UNC13C: variants seen among roughly 807,000 people sequenced by gnomAD.
UNC13C encodes unc-13 homolog C.
A neutral mutation model predicts 245.4 loss-of-function variants in UNC13C; 174 were observed. The ratio of observed to expected loss-of-function variants is 0.71; its 90% CI spans 0.63 to 0.80. UNC13C has a LOEUF of 0.80. Among genes scored for constraint, UNC13C ranks in the 30% least tolerant of loss-of-function variants. The pLI is 0.00. For synonymous variants in UNC13C, 992 were observed against 895.1 expected (o/e 1.11, Z -1.93); for missense variants, 2,829 against 2,602.9 (o/e 1.09, Z -1.89).
chr15:54,388,594 G>A (rs2039886694), intron 17 of UNC13C, among the ~76,000 whole-genome samples: 1 of 152,158 alleles, frequency 6.6e-6, no homozygotes, highest in Non-Finnish European at 1.5e-5. Flanking sequence ...ATCTTACTCA[G>A]AGCAAGTCAC....
Position 54,318,234 on chromosome 15 carries a change from T to G in UNC13C, c.4269-3705T>G, listed in dbSNP as rs900175732. 2.6e-5 allele frequency among the ~76,000 whole-genome samples: 4 copies of G among 151,990 alleles called. No individual in the cohort carries two copies. In the East Asian group the frequency reaches 7.8e-4, roughly 30 times the overall value. On this transcript the variant is annotated intron_variant, in intron 13 of 32. Transcript: ENST00000260323. ...GTGCTGATTTCGTCTTATTTGTAGA[T>G]ATATCCATTAATGGGAATGATGAAT...
intron 30 of UNC13C, among the ~76,000 whole-genome samples, chr15:54,616,202 C>A (rs1221616078): frequency 1.3e-5 from 2 of 151,910 alleles, no homozygotes; most frequent in African/African-American, 4.8e-5. Flanking sequence ...TAGATATAAG[C>A]TTTTTCAATC....
At chr15:54,060,413 A>G (rs375822446) in intron 2 of UNC13C, among the ~76,000 whole-genome samples, 3 of 151,980 alleles carry the variant, frequency 2.0e-5, no homozygotes, top group South Asian at 4.2e-4. Context: ...CAAAACCACA[A>G]TGAGATACCA....
rs183344614 is a variant in UNC13C, at chr15:54,492,007, A to G, written c.4934-2601A>G. Among the ~76,000 whole-genome samples, 390 of 152,122 alleles carry G rather than the reference A, an allele frequency of 2.6e-3. 10 individuals carry two copies. The highest frequency in any genetic ancestry group is 0.014 in the Admixed American group (216 of 15,278). ...ACTCCATCTCAAAAAAAAAAAAACA[A>G]TTTAGGCACAGCTTCACTTTGAAAT... is the stretch of plus-strand genomic sequence containing the variant. On this transcript the variant is annotated intron_variant, in intron 19 of 32. Coordinates refer to ENST00000260323, the MANE Select transcript of UNC13C (RefSeq NM_001080534.3).
chr15:54,196,160 A>C (rs1346373164), intron 4 of UNC13C, among the ~76,000 whole-genome samples: 1 of 152,164 alleles, frequency 6.6e-6, no homozygotes, highest in South Asian at 2.1e-4. Context: ...TATTTTCTAA[A>C]CAAAATATAA....
At chr15:54,268,742 G>A (rs2036610399) in intron 10 of UNC13C, among the ~76,000 whole-genome samples, 1 of 152,036 alleles carries the variant, frequency 6.6e-6, no homozygotes, top group Non-Finnish European at 1.5e-5. Flanking sequence ...AGGAGGTTTT[G>A]TCTTCTGCCC....
Position 54,494,510 on chromosome 15 carries a change from T to C in UNC13C, c.4934-98T>C, listed in dbSNP as rs185260798. On this transcript the variant is annotated intron_variant, in intron 19 of 32. Transcript: ENST00000260323. ...TACCTTTACATCTAATATACTATTT[T>C]CTTCCTTTTAGAAATTCTATTAATA... 3,429 of 1,209,928 alleles carry C rather than the reference T, an allele frequency of 2.8e-3. 18 individuals are homozygous for C. The highest frequency in any genetic ancestry group is 2.4e-3 in the Non-Finnish European group (2,213 of 911,184). 74.9% of individuals were successfully genotyped at this position (1,209,928 alleles called of 1,614,324 possible). A position where few individuals can be genotyped will look rare whatever the true frequency, so the allele number is the denominator to read the frequency against.
intron 1 of UNC13C, among the ~76,000 whole-genome samples, chr15:53,982,703 G>A (rs948842314): frequency 6.6e-6 from 1 of 152,110 alleles, no homozygotes; most frequent in Non-Finnish European, 1.5e-5. Context: ...AGAAAATACT[G>A]TAATTAATCA....
chr15:54,061,026 G>A (rs1301733709), intron 2 of UNC13C, among the ~76,000 whole-genome samples: 2 of 152,018 alleles, frequency 1.3e-5, no homozygotes, highest in African/African-American at 2.4e-5. Context: ...TAAATGACGA[G>A]TTAATGGGTG....
chr15:54,601,667 T>A (rs1268138165), intron 30 of UNC13C, among the ~76,000 whole-genome samples: 1 of 152,190 alleles, frequency 6.6e-6, no homozygotes, highest in Non-Finnish European at 1.5e-5. Context: ...ATATGCTTTT[T>A]TCCCTTTGGG....
chr15:54,411,924 AAATAC>A (rs770896501), intron 18 of UNC13C, among the ~76,000 whole-genome samples: 2 of 152,174 alleles, frequency 1.3e-5, no homozygotes, highest in Non-Finnish European at 2.9e-5. Flanking sequence ...ATCAGTCTGT[AAATAC>A]AATATATTGA....
the UNC13C span, among the ~76,000 whole-genome samples, chr15:53,850,398 G>A: frequency 6.6e-6 from 1 of 152,078 alleles, no homozygotes; most frequent in South Asian, 2.1e-4. Context: ...CTAGGTAACA[G>A]AGCAAGACGC....
intron 24 of UNC13C, among the ~76,000 whole-genome samples, chr15:54,522,777 C>T (rs558721340): frequency 1.3e-5 from 2 of 152,012 alleles, no homozygotes; most frequent in African/African-American, 2.4e-5. Context: ...GTGTATATTC[C>T]TCATTACATA....
the UNC13C span, among the ~76,000 whole-genome samples, chr15:53,908,722 A>T: frequency 8.7e-6 from 1 of 114,286 alleles, no homozygotes; most frequent in African/African-American, 3.6e-5. Context: ...ACTGCACTCC[A>T]GTCTGGGTGA....
intron 32 of UNC13C, 112 bp downstream of exon 32, chr15:54,624,066 T>C: frequency 7.6e-7 from 1 of 1,317,160 alleles, no homozygotes; most frequent in Non-Finnish European, 1.1e-6. Flanking sequence ...AGGCTCTGTT[T>C]TTAGTTCCCT....
the UNC13C span, among the ~76,000 whole-genome samples, chr15:53,916,999 A>T: frequency 7.6e-4 from 116 of 152,368 alleles, 1 homozygote; most frequent in African/African-American, 2.5e-3. Flanking sequence ...AAAGAATCAG[A>T]TGACCAGACT....
intron 4 of UNC13C, among the ~76,000 whole-genome samples, chr15:54,215,030 T>A (rs1336728668): frequency 6.6e-6 from 1 of 151,926 alleles, no homozygotes. Context: ...CATGTAATAA[T>A]GTCTGAGGCT....
chr15:54,032,756 T>G (rs1344769931), intron 2 of UNC13C, among the ~76,000 whole-genome samples: 1 of 152,196 alleles, frequency 6.6e-6, no homozygotes, highest in African/African-American at 2.4e-5. Context: ...GTTCTCCTCA[T>G]GTGGTCCCCC....
At chr15:54,395,505 C>T (rs1021908302) in intron 18 of UNC13C, among the ~76,000 whole-genome samples, 2 of 151,860 alleles carry the variant, frequency 1.3e-5, no homozygotes, top group African/African-American at 2.4e-5. Context: ...TATTAATAAA[C>T]GATCCCTGTT....
Sources: gnomAD v4.1 joint callset for allele counts (sites outside exome capture counted in the v4.1 genomes callset) on GRCh38, gnomAD v4.1.1 for gene constraint, MANE v1.5 for transcripts, NCBI Gene and HGNC (gene_info 2026-07-23, HGNC 2026-07-21) for gene names.